The following TFAP2E variants were observed in gnomAD, a reference collection of about 807,000 sequenced individuals.
TFAP2E encodes the protein transcription factor AP-2-epsilon.
TFAP2E carries 30 observed loss-of-function variants against 37.9 expected under a neutral mutation model. That is an observed-to-expected ratio of 0.79 (90% CI 0.59 to 1.07). The LOEUF (loss-of-function observed/expected upper bound fraction) is 1.07. Among genes scored for constraint, TFAP2E ranks in the 50% least tolerant of loss-of-function variants. The probability of loss-of-function intolerance (pLI) is 0.00; values close to 1 mark genes in which losing one functional copy is unlikely to be tolerated. For synonymous variants in TFAP2E, 318 were observed against 295.8 expected (o/e 1.08, Z -0.77); for missense variants, 567 against 637.9 (o/e 0.89, Z 1.20).
At chr1:35,582,777 A>C (rs1205233859) in intron 3 of TFAP2E, among the ~76,000 whole-genome samples, 3 of 151,978 alleles carry the variant, frequency 2.0e-5, no homozygotes, top group African/African-American at 7.3e-5. Context: ...CCCCTGCCTG[A>C]GCCTCTCGAG....
chr1:35,576,623 T>A (rs1346140066), intron 3 of TFAP2E, among the ~76,000 whole-genome samples: 3 of 152,162 alleles, frequency 2.0e-5, no homozygotes, highest in African/African-American at 7.2e-5. Flanking sequence ...TGGGGATCTC[T>A]GCCCTGCGCA....
At chr1:35,593,689 G>A (rs1378435508) in intron 6 of TFAP2E, among the ~76,000 whole-genome samples, 1 of 152,170 alleles carries the variant, frequency 6.6e-6, no homozygotes, top group Admixed American at 6.5e-5. Flanking sequence ...CACTTTGTGG[G>A]TCTCAGTCAT....
At chr1:35,578,146 T>C (rs1257377760) in intron 3 of TFAP2E, among the ~76,000 whole-genome samples, 4 of 151,924 alleles carry the variant, frequency 2.6e-5, no homozygotes, top group Non-Finnish European at 4.4e-5. Context: ...AATGAATGAG[T>C]GATGGGCTTT....
Position 35,573,680 on chromosome 1 carries a change from G to A in TFAP2E, c.27+76G>A. ...GAGTGCTGGACTTTCCAACCCTCCT[G>A]TCCCGCGCTAACGAAATCTCGGAGG... On this transcript the variant is annotated intron_variant, in intron 1 of 6. Transcript: ENST00000373235. This position sits in a 1 kb window ranked among gnomAD's most constrained non-coding sequence, Gnocchi z 5.9. 6.6e-7 allele frequency: 1 copy of A among 1,507,144 alleles called. No individual in the cohort carries two copies. Among genetic ancestry groups the A allele is most frequent in the Non-Finnish European group, 8.9e-7 (1 of 1,126,640 alleles). 93.4% of individuals were successfully genotyped at this position (1,507,144 alleles called of 1,614,324 possible). A position where few individuals can be genotyped will look rare whatever the true frequency, so the allele number is the denominator to read the frequency against.
intron 6 of TFAP2E, among the ~76,000 whole-genome samples, chr1:35,591,048 C>G (rs1649657010): frequency 6.6e-6 from 1 of 152,256 alleles, no homozygotes; most frequent in South Asian, 2.1e-4. Flanking sequence ...AGTGAGCACA[C>G]ACACGTACCT....
rs1299422288 is a variant in TFAP2E at position 35,578,415 on chromosome 1, A to G, written c.562+3415A>G. Among the ~76,000 whole-genome samples the G allele has an allele frequency of 3.3e-5, 5 of 149,630 alleles. No individual in the cohort carries two copies. In the East Asian group the frequency reaches 5.9e-4, roughly 18 times the overall value. Reference sequence around the variant, plus strand: ...TGCACTCCAGCCTGGAAACAGAGCGAGACTCCGTCTCGGAAAAAAAAAAAA... The same window carrying G: ...TGCACTCCAGCCTGGAAACAGAGCGGGACTCCGTCTCGGAAAAAAAAAAAA... On this transcript the variant is annotated intron_variant, in intron 3 of 6. Coordinates refer to ENST00000373235, the MANE Select transcript of TFAP2E (RefSeq NM_178548.4).
Position 35,573,426 on chromosome 1 carries a change from C to A in TFAP2E, c.-152C>A. On this transcript the variant is annotated 5_prime_UTR_variant, in exon 1 of 7. Coordinates refer to ENST00000373235, the MANE Select transcript of TFAP2E (RefSeq NM_178548.4). The surrounding 1 kb of genome is among the most constrained non-coding windows in gnomAD (Gnocchi z 5.9). ...CCGGGAACGGCCACCGCTGAGGACC[C>A]CACGCCCACTAGGATCCCGGCTGGG... 9.5e-7 allele frequency: 1 copy of A among 1,052,808 alleles called. No homozygotes were observed. Among genetic ancestry groups the A allele is most frequent in the Non-Finnish European group, 1.3e-6 (1 of 784,106 alleles). 65.2% of individuals were successfully genotyped at this position (1,052,808 alleles called of 1,614,324 possible).
At chr1:35,574,825 C>A in intron 2 of TFAP2E, 124 bp from the exon 3 acceptor site, 1 of 1,338,020 alleles carries the variant, frequency 7.5e-7, no homozygotes, top group Non-Finnish European at 1.1e-6. Flanking sequence ...CTGCCCGTCG[C>A]CGCCCCAAGC....
rs1047725169 is a variant in TFAP2E, at chr1:35,577,575, T to C, written c.562+2575T>C. On this transcript the variant is annotated intron_variant, in intron 3 of 6. Transcript: ENST00000373235. This position sits in a 1 kb window ranked among gnomAD's most constrained non-coding sequence, Gnocchi z 6.3. ...TCCCAGCCTGGGCGGGAGCGGCGGC[T>C]GCGTCGCTGAAGGTTGGGGTCCTTG... is the stretch of plus-strand genomic sequence containing the variant. The C allele has an allele frequency of 3.2e-5, 12 of 380,860 alleles. No homozygotes were observed. The highest frequency in any genetic ancestry group is 3.8e-5 in the Non-Finnish European group (7 of 183,982). The allele number at this position is 380,860 out of a possible 1,614,324, so 23.6% of individuals were successfully genotyped here.
chr1:35,574,798 CAT>C, intron 2 of TFAP2E, 149 bp from the exon 3 acceptor site: 1 of 985,130 alleles, frequency 1.0e-6, no homozygotes, highest in South Asian at 1.4e-5. Context: ...AGTGCCTGGA[CAT>C]AGCGATTCCT....
intron 3 of TFAP2E, among the ~76,000 whole-genome samples, chr1:35,581,111 T>C (rs1040074219): frequency 2.0e-5 from 3 of 152,250 alleles, no homozygotes; most frequent in African/African-American, 7.2e-5. Flanking sequence ...AAATAGAATA[T>C]ATAAATATGC....
chr1:35,583,166 G>T (rs920455080), intron 3 of TFAP2E, among the ~76,000 whole-genome samples: 1 of 152,128 alleles, frequency 6.6e-6, no homozygotes, highest in African/African-American at 2.4e-5. Context: ...CTCCCAAAGT[G>T]CTGGGATTCC....
chr1:35,577,955 G>A lies in TFAP2E; in HGVS notation c.562+2955G>A, dbSNP rs1350649308. Among the ~76,000 whole-genome samples, 1 of 152,164 alleles carries A rather than the reference G, an allele frequency of 6.6e-6. No individual in the cohort carries two copies. Among genetic ancestry groups the A allele is most frequent in the African/African-American group, 2.4e-5 (1 of 41,452 alleles). Reference sequence around the variant, plus strand: ...TTTTGCAACCTATCCCAGACACACAGAAAGCAAGCAGGACTGGTGGGGAGA... The same window carrying A: ...TTTTGCAACCTATCCCAGACACACAAAAAGCAAGCAGGACTGGTGGGGAGA... On this transcript the variant is annotated intron_variant, in intron 3 of 6. Transcript: ENST00000373235. This position sits in a 1 kb window ranked among gnomAD's most constrained non-coding sequence, Gnocchi z 6.3.
chr1:35,590,973 G>A lies in TFAP2E; in HGVS notation c.1046+198G>A, dbSNP rs904721469. Among the ~76,000 whole-genome samples, 2 of 151,890 alleles carry A rather than the reference G, an allele frequency of 1.3e-5. No homozygotes were observed. The highest frequency in any genetic ancestry group is 4.8e-5 in the African/African-American group (2 of 41,312). On this transcript the variant is annotated intron_variant, in intron 6 of 6. Transcript: ENST00000373235. The surrounding 1 kb of genome is among the most constrained non-coding windows in gnomAD (Gnocchi z 6.2). Reference sequence around the variant, plus strand: ...ATCAGCAGTGAGCACACACGTATGTGTGCGCCACTGTGTACGTGAGCAGTG... The same window carrying A: ...ATCAGCAGTGAGCACACACGTATGTATGCGCCACTGTGTACGTGAGCAGTG...
At position 35,588,285 on chromosome 1, in the gene TFAP2E, C is replaced by A; in HGVS notation, c.563-45C>A. 2 of 1,555,204 alleles carry A rather than the reference C, an allele frequency of 1.3e-6. No individual in the cohort carries two copies. The highest frequency in any genetic ancestry group is 1.8e-6 in the Non-Finnish European group (2 of 1,142,746). On this transcript the variant is annotated intron_variant, in intron 3 of 6. Coordinates refer to ENST00000373235, the MANE Select transcript of TFAP2E (RefSeq NM_178548.4). The surrounding 1 kb of genome is among the most constrained non-coding windows in gnomAD (Gnocchi z 5.1). ...ATACCAGACCCTCCCTTGAGTGGGGCTGTGTGCGGCAGCCACTGGCTCAGC... is the reference window on the plus strand; with the variant it reads ...ATACCAGACCCTCCCTTGAGTGGGGATGTGTGCGGCAGCCACTGGCTCAGC...
chr1:35,577,103 C>T lies in TFAP2E; in HGVS notation c.562+2103C>T, dbSNP rs922411440. ...GCGCTGGCGACCTGAGCGGAGACTG[C>T]GCCCTGGACGCCCCAGCCTAGACGT... On this transcript the variant is annotated intron_variant, in intron 3 of 6. Transcript: ENST00000373235. This position sits in a 1 kb window ranked among gnomAD's most constrained non-coding sequence, Gnocchi z 6.3. Among the ~76,000 whole-genome samples, 2 of 152,214 alleles carry T rather than the reference C, an allele frequency of 1.3e-5. No individual in the cohort carries two copies. The highest frequency in any genetic ancestry group is 2.9e-5 in the Non-Finnish European group (2 of 68,036).
At position 35,588,279 on chromosome 1, in the gene TFAP2E, G is replaced by A. The variant is rs754830018; in HGVS notation, c.563-51G>A. On this transcript the variant is annotated intron_variant, in intron 3 of 6. Coordinates refer to ENST00000373235, the MANE Select transcript of TFAP2E (RefSeq NM_178548.4). The surrounding 1 kb of genome is among the most constrained non-coding windows in gnomAD (Gnocchi z 5.1). ...GCAAGGATACCAGACCCTCCCTTGAGTGGGGCTGTGTGCGGCAGCCACTGG... is the reference window on the plus strand; with the variant it reads ...GCAAGGATACCAGACCCTCCCTTGAATGGGGCTGTGTGCGGCAGCCACTGG... 2 of 1,542,206 alleles carry A rather than the reference G, an allele frequency of 1.3e-6. No individual in the cohort carries two copies. The highest frequency in any genetic ancestry group is 1.8e-6 in the Non-Finnish European group (2 of 1,134,498).
Position 35,588,306 on chromosome 1 carries a change from T to G in TFAP2E, c.563-24T>G. The G allele has an allele frequency of 6.3e-7, 1 of 1,587,340 alleles. No homozygotes were observed. Among genetic ancestry groups the G allele is most frequent in the Non-Finnish European group, 8.6e-7 (1 of 1,162,062 alleles). On this transcript the variant is annotated intron_variant, in intron 3 of 6. Coordinates refer to ENST00000373235, the MANE Select transcript of TFAP2E (RefSeq NM_178548.4). The surrounding 1 kb of genome is among the most constrained non-coding windows in gnomAD (Gnocchi z 5.1). ...GGGGCTGTGTGCGGCAGCCACTGGC[T>G]CAGCGTTTCCCTCTTCTCCACAGTG...
Position 35,573,713 on chromosome 1 carries a change from C to T in TFAP2E, c.27+109C>T, listed in dbSNP as rs1292878090. 56 of 1,475,394 alleles carry T rather than the reference C, an allele frequency of 3.8e-5. 1 individual carries two copies. In the South Asian group the frequency reaches 6.9e-4, roughly 18 times the overall value. 91.4% of individuals were successfully genotyped at this position (1,475,394 alleles called of 1,614,324 possible). A position where few individuals can be genotyped will look rare whatever the true frequency, so the allele number is the denominator to read the frequency against. On this transcript the variant is annotated intron_variant, in intron 1 of 6. Transcript: ENST00000373235. The surrounding 1 kb of genome is among the most constrained non-coding windows in gnomAD (Gnocchi z 5.9). Reference sequence around the variant, plus strand: ...CTAACGAAATCTCGGAGGGAGGGGGCCGCAGGGACTTCGCCAGCTGAGAAC... The same window carrying T: ...CTAACGAAATCTCGGAGGGAGGGGGTCGCAGGGACTTCGCCAGCTGAGAAC...
Sources: gnomAD v4.1 joint callset for allele counts (sites outside exome capture counted in the v4.1 genomes callset) on GRCh38, gnomAD v4.1.1 for gene constraint, Gnocchi (gnomAD v3.1) non-coding constraint, MANE v1.5 for transcripts, NCBI Gene and HGNC (gene_info 2026-07-23, HGNC 2026-07-21) for gene names.